Variants in FGF12 observed in about 807,000 individuals in gnomAD.
FGF12 encodes the protein fibroblast growth factor 12B.
Under a neutral mutation model 23.6 loss-of-function variants are expected in FGF12, and 14 were observed. The observed-to-expected ratio is 0.59, with a 90% CI of 0.39 to 0.93. The LOEUF (loss-of-function observed/expected upper bound fraction) is 0.93, where lower values mean the gene tolerates loss of function less well. Ranked by LOEUF, FGF12 falls within the 40% of genes least tolerant of loss-of-function variation. FGF12 has a pLI of 0.00. For missense variants in FGF12, 175 were observed against 217.8 expected, an observed-to-expected ratio of 0.80 and a Z score of 1.24; for synonymous variants, 62 against 77.3, an observed-to-expected ratio of 0.80 and a Z score of 1.04.
intron 2 of FGF12, among the ~76,000 whole-genome samples, chr3:192,537,532 A>G (rs1236195356): frequency 1.3e-5 from 2 of 152,126 alleles, no homozygotes; most frequent in African/African-American, 4.8e-5. Flanking sequence ...AGTTTTTGTT[A>G]GCATTTCTCT....
chr3:192,626,911 C>T (rs1370385863), intron 2 of FGF12, among the ~76,000 whole-genome samples: 1 of 152,122 alleles, frequency 6.6e-6, no homozygotes, highest in Non-Finnish European at 1.5e-5. Context: ...CTGGCCTATA[C>T]TAATTATTTT....
chr3:192,219,376 C>T (rs772380225), intron 4 of FGF12, among the ~76,000 whole-genome samples: 5 of 151,650 alleles, frequency 3.3e-5, no homozygotes, highest in South Asian at 2.2e-4. Flanking sequence ...TGAGCCACTG[C>T]GCCAGGTCAT....
intron 4 of FGF12, among the ~76,000 whole-genome samples, chr3:192,275,382 A>T (rs1560046874): frequency 1.3e-5 from 2 of 151,868 alleles, no homozygotes. Flanking sequence ...TTTGTTTTCT[A>T]TATATGTTTT....
chr3:192,284,206 C>T (rs1714313103), intron 4 of FGF12, among the ~76,000 whole-genome samples: 2 of 152,096 alleles, frequency 1.3e-5, no homozygotes, highest in South Asian at 2.1e-4. Context: ...CAAACCTCAA[C>T]GTTCTTTCTA....
chr3:192,568,184 A>G (rs1175810991), intron 2 of FGF12, among the ~76,000 whole-genome samples: 1 of 152,132 alleles, frequency 6.6e-6, no homozygotes, highest in Non-Finnish European at 1.5e-5. Flanking sequence ...GGGTCCACCT[A>G]GATAATTTGG....
At chr3:192,677,086 C>A (rs765692175) in intron 2 of FGF12, among the ~76,000 whole-genome samples, 3 of 152,160 alleles carry the variant, frequency 2.0e-5, no homozygotes, top group Non-Finnish European at 4.4e-5. Context: ...GTTGTCCTAA[C>A]CCCAGCCTAA....
At chr3:192,309,391 A>G (rs78944584) in intron 4 of FGF12, among the ~76,000 whole-genome samples, 4,256 of 152,312 alleles carry the variant, frequency 0.028, 157 homozygotes, top group South Asian at 0.17. Context: ...AAAAAACTCC[A>G]TCATCTCTGT....
At chr3:192,251,362 T>C (rs1712000061) in intron 4 of FGF12, among the ~76,000 whole-genome samples, 1 of 152,184 alleles carries the variant, frequency 6.6e-6, no homozygotes. Flanking sequence ...TCTATTGTAC[T>C]ATTACATTCC....
At chr3:192,468,183 G>C (rs1448807503) in intron 2 of FGF12, among the ~76,000 whole-genome samples, 2 of 152,182 alleles carry the variant, frequency 1.3e-5, no homozygotes, top group Non-Finnish European at 1.5e-5. Flanking sequence ...AAAATTGAAA[G>C]ATGAGTAGCA....
chr3:192,660,208 T>C (rs1444474447), intron 2 of FGF12, among the ~76,000 whole-genome samples: 4 of 151,370 alleles, frequency 2.6e-5, no homozygotes, highest in African/African-American at 7.3e-5. Context: ...ATGTCCTTTG[T>C]AGGGACATGG....
At chr3:192,476,823 G>A (rs1331136995) in intron 2 of FGF12, among the ~76,000 whole-genome samples, 4 of 152,162 alleles carry the variant, frequency 2.6e-5, no homozygotes, top group Non-Finnish European at 4.4e-5. Context: ...TTACTCTGAA[G>A]GCAATAGAGA....
At chr3:192,352,036 ATTTT>A (rs1288181338) in intron 3 of FGF12, among the ~76,000 whole-genome samples, 1 of 143,272 alleles carries the variant, frequency 7.0e-6, no homozygotes, top group Non-Finnish European at 1.6e-5. Flanking sequence ...TATTTTTCAT[ATTTT>A]TTTCTTTTTT....
intron 2 of FGF12, among the ~76,000 whole-genome samples, chr3:192,558,599 CCA>C (rs910690326): frequency 7.2e-4 from 28 of 38,652 alleles, no homozygotes; most frequent in African/African-American, 2.6e-3. Context: ...TCATATGAAA[CCA>C]AAAAATAAAC....
chr3:192,667,771 C>T (rs1191922994), intron 2 of FGF12, among the ~76,000 whole-genome samples: 3 of 151,752 alleles, frequency 2.0e-5, no homozygotes, highest in South Asian at 2.1e-4. Flanking sequence ...GTAGAGAAGA[C>T]GGGTATAACA....
chr3:192,713,291 G>A (rs1040652437), intron 2 of FGF12, among the ~76,000 whole-genome samples: 1 of 152,106 alleles, frequency 6.6e-6, no homozygotes, highest in Non-Finnish European at 1.5e-5. Flanking sequence ...TTGGTGGGAC[G>A]CTGAGAAATT....
At position 192,360,664 on chromosome 3, in the gene FGF12, G is replaced by A. The variant is rs779191034; in HGVS notation, c.14-126C>T. The A allele has an allele frequency of 1.5e-6, 1 of 674,426 alleles. No homozygotes were observed. The highest frequency in any genetic ancestry group is 2.6e-6 in the Non-Finnish European group (1 of 379,992). 41.8% of individuals were successfully genotyped at this position (674,426 alleles called of 1,614,324 possible). A position where few individuals can be genotyped will look rare whatever the true frequency, so the allele number is the denominator to read the frequency against. ...AGCTTAAATATTGAATTATGTATTT[G>A]GGAGTTGGGTGTTTCAGTAACATAT... On this transcript the variant is annotated intron_variant, in intron 2 of 5. Coordinates refer to ENST00000445105, the MANE Select transcript of FGF12 (RefSeq NM_004113.6). The surrounding 1 kb of genome is among the most constrained non-coding windows in gnomAD (Gnocchi z 4.3).
At chr3:192,472,418 T>C (rs1723201190) in intron 2 of FGF12, among the ~76,000 whole-genome samples, 1 of 152,126 alleles carries the variant, frequency 6.6e-6, no homozygotes, top group Admixed American at 6.5e-5. Flanking sequence ...TTCAGATACT[T>C]GGAATGAAAC....
chr3:192,678,133 CTA>C (rs1435843341), intron 2 of FGF12, among the ~76,000 whole-genome samples: 1 of 152,216 alleles, frequency 6.6e-6, no homozygotes, highest in Non-Finnish European at 1.5e-5. Flanking sequence ...TGAGCCTTGA[CTA>C]TGTGACAGGC....
In FGF12 at chr3:192,505,099, G is replaced by A. The variant is rs111471481; in HGVS notation, c.14-144561C>T. Among the ~76,000 whole-genome samples, 642 of 151,992 alleles carry A rather than the reference G, an allele frequency of 4.2e-3. 5 individuals carry two copies. The highest frequency in any genetic ancestry group is 0.015 in the African/African-American group (622 of 41,454). ...CAGACCTGTAATGTCATTCCATAAC[G>A]TAATTTAAAATCATGTTTGGGAGAA... On this transcript the variant is annotated intron_variant, in intron 2 of 5. Transcript: ENST00000445105.
Sources: gnomAD v4.1 joint callset for allele counts (sites outside exome capture counted in the v4.1 genomes callset) on GRCh38, gnomAD v4.1.1 for gene constraint, Gnocchi (gnomAD v3.1) non-coding constraint, MANE v1.5 for transcripts, NCBI Gene and HGNC (gene_info 2026-07-23, HGNC 2026-07-21) for gene names.